Variants in CCDC138 observed in about 807,000 individuals in gnomAD.
CCDC138 encodes the protein coiled-coil domain-containing protein 138.
CCDC138 carries 66 observed loss-of-function variants against 82.3 expected under a neutral mutation model. The observed-to-expected ratio is 0.80, with a 90% CI of 0.66 to 0.98. The LOEUF (loss-of-function observed/expected upper bound fraction) is 0.98, where lower values mean the gene tolerates loss of function less well. Ranked by LOEUF, CCDC138 falls within the 50% of genes least tolerant of loss-of-function variation. The pLI is 0.00. For synonymous variants in CCDC138, 297 were observed against 265.4 expected (o/e 1.12, Z -1.16); for missense variants, 816 against 758.9 (o/e 1.08, Z -0.88).
chr2:108,818,838 T>C (rs1475788838), intron 10 of CCDC138, among the ~76,000 whole-genome samples: 1 of 152,076 alleles, frequency 6.6e-6, no homozygotes, highest in Non-Finnish European at 1.5e-5. Flanking sequence ...TTTTTGTATA[T>C]TTGATCACAG....
intron 5 of CCDC138, among the ~76,000 whole-genome samples, chr2:108,796,346 G>A (rs964757503): frequency 1.3e-5 from 2 of 152,048 alleles, no homozygotes; most frequent in African/African-American, 2.4e-5. Flanking sequence ...GAGCCACCGC[G>A]CCTGGCCAAA....
chr2:108,873,431 ACTGTTGATTTGTTTTG>A lies in CCDC138; in HGVS notation c.1694-18_1694-3del. The A allele has an allele frequency of 6.4e-7, 1 of 1,565,562 alleles. No individual in the cohort carries two copies. The highest frequency in any genetic ancestry group is 1.3e-5 in the South Asian group (1 of 79,612). ...TTTCGCTACTCCCTAATAGTAAAGC[ACTGTTGATTTGTTTTG>A]CAGAATCCTTGCAGCCTTTCCTGGA... On this transcript the variant is annotated splice_polypyrimidine_tract_variant and splice_region_variant and intron_variant, in intron 13 of 14. Coordinates refer to ENST00000295124, the MANE Select transcript of CCDC138 (RefSeq NM_144978.3).
At position 108,786,903 on chromosome 2, in the gene CCDC138, C is replaced by A; in HGVS notation, c.81C>A (p.Ser27Arg). The change falls in exon 1 of 15, where the codon AGC (serine) becomes AGA (arginine). Residue 27 changes from serine to arginine, a missense_variant. By Grantham distance (110) the Ser-to-Arg change is moderately radical (BLOSUM62 -1). Transcript: ENST00000295124. ...SLKSRYGLGG[S>R]CPDEYDFSNF... ...AAAGCCGCTACGGACTCGGGGGCAGCTGCCCCGACGAGGTGAAGCCGCCGC... is the reference window on the plus strand; with the variant it reads ...AAAGCCGCTACGGACTCGGGGGCAGATGCCCCGACGAGGTGAAGCCGCCGC... 1 of 1,546,242 alleles carries A rather than the reference C, an allele frequency of 6.5e-7. No homozygotes were observed. The highest frequency in any genetic ancestry group is 1.4e-5 in the African/African-American group (1 of 70,712).
Position 108,826,715 on chromosome 2 carries a change from A to G in CCDC138, c.1206+10610A>G, listed in dbSNP as rs938303760. ...TTCCAACTTTGTCCTTCTTTTCCAT[A>G]TATGTTCTGGGTCAATGGCATTTTC... On this transcript the variant is annotated intron_variant, in intron 10 of 14. Coordinates refer to ENST00000295124, the MANE Select transcript of CCDC138 (RefSeq NM_144978.3). 1.5e-4 allele frequency among the ~76,000 whole-genome samples: 23 copies of G among 152,072 alleles called. 1 individual carries two copies. The highest frequency in any genetic ancestry group is 5.6e-4 in the African/African-American group (23 of 41,398).
intron 3 of CCDC138, among the ~76,000 whole-genome samples, chr2:108,789,436 A>C (rs1668189082): frequency 6.6e-6 from 1 of 152,164 alleles, no homozygotes; most frequent in Non-Finnish European, 1.5e-5. Context: ...CTACTAAAAA[A>C]TAGAAAAATT....
Position 108,794,685 on chromosome 2 carries a change from A to G in CCDC138, c.540A>G (p.Ile180Met). ...RSLLPHQISQ[I>M]YDELFQIHLK... ...TACTTCCACATCAGATCAGTCAGATATATGACGAATTATTTCAGATACATC... is the reference window on the plus strand; with the variant it reads ...TACTTCCACATCAGATCAGTCAGATGTATGACGAATTATTTCAGATACATC... The change falls in exon 5 of 15, where the codon ATA becomes ATG. Residue 180 changes from isoleucine to methionine, a missense_variant. Physicochemically the swap from Ile to Met is conservative, Grantham distance 10 (BLOSUM62 1). Coordinates refer to ENST00000295124, the MANE Select transcript of CCDC138 (RefSeq NM_144978.3). The G allele has an allele frequency of 1.2e-6, 2 of 1,613,720 alleles. No individual in the cohort carries two copies. Among genetic ancestry groups the G allele is most frequent in the Non-Finnish European group, 1.7e-6 (2 of 1,179,870 alleles).
At chr2:108,822,850 C>T (rs1470686883) in intron 10 of CCDC138, among the ~76,000 whole-genome samples, 2 of 152,076 alleles carry the variant, frequency 1.3e-5, no homozygotes, top group Non-Finnish European at 2.9e-5. Context: ...AAATCAAAAT[C>T]GACAGCCTGG....
At position 108,873,072 on chromosome 2, in the gene CCDC138, TTTG is replaced by T. The variant is rs1484046203; in HGVS notation, c.1694-376_1694-374del. On this transcript the variant is annotated intron_variant, in intron 13 of 14. Transcript: ENST00000295124. ...ATTCACAAATTTGGAGGCTCTTTGA[TTTG>T]TTTTTTGTTTTTTTAATTTACTACT... 2.5e-4 allele frequency among the ~76,000 whole-genome samples: 38 copies of T among 152,270 alleles called. 1 individual carries two copies. The highest frequency in any genetic ancestry group is 3.4e-3 in the Middle Eastern group (1 of 294).
chr2:108,844,532 G>T (rs1690116212), intron 11 of CCDC138, among the ~76,000 whole-genome samples: 1 of 152,238 alleles, frequency 6.6e-6, no homozygotes, highest in South Asian at 2.1e-4. Context: ...TGTCCTGTCG[G>T]TGTTGGCAGC....
intron 10 of CCDC138, among the ~76,000 whole-genome samples, chr2:108,833,069 A>G (rs920646198): frequency 6.6e-6 from 1 of 152,246 alleles, no homozygotes; most frequent in Non-Finnish European, 1.5e-5. Flanking sequence ...TGGAAAAAGC[A>G]AAAACTGGAG....
chr2:108,793,944 C>G (rs778869736), intron 4 of CCDC138, among the ~76,000 whole-genome samples: 7 of 152,020 alleles, frequency 4.6e-5, no homozygotes, highest in Non-Finnish European at 1.0e-4. Flanking sequence ...AAGCCACGTA[C>G]GAGACTGTAG....
intron 10 of CCDC138, among the ~76,000 whole-genome samples, chr2:108,836,256 G>A (rs576581491): frequency 1.3e-5 from 2 of 152,144 alleles, no homozygotes; most frequent in Non-Finnish European, 2.9e-5. Flanking sequence ...AATCATAATA[G>A]TATTTGCCTT....
At chr2:108,881,698 A>G (rs1471563287) in intron 1 of CCDC138, among the ~76,000 whole-genome samples, 1 of 152,192 alleles carries the variant, frequency 6.6e-6, no homozygotes, top group Non-Finnish European at 1.5e-5. Context: ...CAGTATTGTT[A>G]TGTCTCAGGA....
Position 108,873,520 on chromosome 2 carries a change from G to A in CCDC138, c.1763G>A (p.Arg588Gln), listed in dbSNP as rs201309384. ...LFFRTCSVLLRAPKLDLQILE... is the reference protein window; with the variant it reads ...LFFRTCSVLLQAPKLDLQILE... ...TTTCGTACTTGCTCTGTGCTGCTTC[G>A]AGCCCCTAAGCTTGATCTTCAAATA... is the stretch of plus-strand genomic sequence containing the variant. Residue 588 changes from arginine to glutamine, a missense_variant, in exon 14 of 15, where the codon CGA becomes CAA. Arg to Gln is a conservative substitution (Grantham distance 43). Coordinates refer to ENST00000295124, the MANE Select transcript of CCDC138 (RefSeq NM_144978.3). The A allele has an allele frequency of 1.9e-4, 306 of 1,612,264 alleles. No homozygotes were observed. The highest frequency in any genetic ancestry group is 3.8e-4 in the Admixed American group (23 of 59,836).
At chr2:108,868,046 G>A (rs1226175284) in intron 13 of CCDC138, among the ~76,000 whole-genome samples, 6 of 152,196 alleles carry the variant, frequency 3.9e-5, no homozygotes, top group Non-Finnish European at 8.8e-5. Flanking sequence ...GTTATCGACA[G>A]GCTGATGACT....
chr2:108,806,387 A>T (rs752527625), intron 7 of CCDC138, among the ~76,000 whole-genome samples: 6 of 152,296 alleles, frequency 3.9e-5, no homozygotes, highest in South Asian at 2.1e-4. Context: ...ATTGGGGTGG[A>T]TATGTGGATT....
intron 5 of CCDC138, among the ~76,000 whole-genome samples, chr2:108,797,010 A>G (rs1681028615): frequency 6.6e-6 from 1 of 152,194 alleles, no homozygotes; most frequent in Non-Finnish European, 1.5e-5. Flanking sequence ...GTTTGAGGTA[A>G]TAGATATCCC....
Position 108,786,772 on chromosome 2 carries a change from C to A in CCDC138, c.-51C>A, listed in dbSNP as rs375537458. ...GACGCACTGCGGCCGCGTAGCGCCGCGGGTTTGATGAACGCGGTTCCCGGG... is the reference window on the plus strand; with the variant it reads ...GACGCACTGCGGCCGCGTAGCGCCGAGGGTTTGATGAACGCGGTTCCCGGG... On this transcript the variant is annotated 5_prime_UTR_variant, in exon 1 of 15. Transcript: ENST00000295124. 10 of 1,501,912 alleles carry A rather than the reference C, an allele frequency of 6.7e-6. No individual in the cohort carries two copies. The South Asian group carries it at 7.2e-5, about 11-fold the overall frequency. The allele number at this position is 1,501,912 out of a possible 1,614,324, so 93.0% of individuals were successfully genotyped here.
chr2:108,870,673 C>A (rs1473578027), intron 13 of CCDC138, among the ~76,000 whole-genome samples: 1 of 152,164 alleles, frequency 6.6e-6, no homozygotes, highest in East Asian at 1.9e-4. Flanking sequence ...CTGATACATG[C>A]TACAGAATGG....
Sources: allele counts gnomAD v4.1 joint callset (sites outside exome capture counted in the v4.1 genomes callset), GRCh38; gene constraint gnomAD v4.1.1; transcripts MANE v1.5; gene names NCBI Gene and HGNC (gene_info 2026-07-23, HGNC 2026-07-21).